TMEM237: variants seen among roughly 807,000 people sequenced by gnomAD.
The protein encoded by TMEM237 is transmembrane protein 237, also known as amyotrophic lateral sclerosis 2 (juvenile) chromosome region, candidate 4.
A neutral mutation model predicts 59.1 loss-of-function variants in TMEM237; 51 were observed. The observed-to-expected ratio is 0.86, with a 90% CI of 0.69 to 1.09. The LOEUF (loss-of-function observed/expected upper bound fraction) is 1.09. Among genes scored for constraint, TMEM237 ranks in the 50% least tolerant of loss-of-function variants. The pLI is 0.00. For missense variants in TMEM237, 475 were observed against 478.3 expected, an observed-to-expected ratio of 0.99 and a Z score of 0.06; for synonymous variants, 140 against 166.1, an observed-to-expected ratio of 0.84 and a Z score of 1.21.
intron 1 of TMEM237, among the ~76,000 whole-genome samples, chr2:201,641,154 G>A (rs1486428490): frequency 6.6e-6 from 1 of 152,060 alleles, no homozygotes; most frequent in Non-Finnish European, 1.5e-5. Context: ...ACCATGCCCG[G>A]CTAATTTTTG....
rs1232298365 is a variant in TMEM237 at position 201,635,242 on chromosome 2, T to C, written c.274+1506A>G. Among the ~76,000 whole-genome samples, 3 of 152,228 alleles carry C rather than the reference T, an allele frequency of 2.0e-5. No homozygotes were observed. Among genetic ancestry groups the C allele is most frequent in the Non-Finnish European group, 4.4e-5 (3 of 68,034 alleles). On this transcript the variant is annotated intron_variant, in intron 5 of 12. Coordinates refer to ENST00000409883, the MANE Select transcript of TMEM237 (RefSeq NM_001044385.3). This position sits in a 1 kb window ranked among gnomAD's most constrained non-coding sequence, Gnocchi z 4.5. ...GATATGTTCAAGTCCTAACTCATAA[T>C]ACCTGTGAGTGTAACCTTATTTGGA... is the stretch of plus-strand genomic sequence containing the variant.
intron 1 of TMEM237, among the ~76,000 whole-genome samples, chr2:201,642,358 T>G (rs141832747): frequency 1.2e-4 from 19 of 152,288 alleles, no homozygotes; most frequent in Admixed American, 2.6e-4. Flanking sequence ...CGAGGCAAGC[T>G]GCCGTAATAC....
rs150604882 is a variant in TMEM237, at chr2:201,631,060, T to C, written c.553+991A>G. The C allele has an allele frequency of 5.9e-5, 9 of 152,348 alleles. No homozygotes were observed. In the East Asian group the frequency reaches 1.7e-3, roughly 29 times the overall value. 9.4% of individuals were successfully genotyped at this position (152,348 alleles called of 1,614,324 possible). On this transcript the variant is annotated intron_variant, in intron 7 of 12. Transcript: ENST00000409883. ...TAGGTTTTTCTTAAACACTGTGTTA[T>C]AGACGGAATGCGTCCCCCAAAAATT...
Position 201,635,270 on chromosome 2 carries a change from CA to C in TMEM237, c.274+1477del, listed in dbSNP as rs371760889. The stretch of plus-strand genomic sequence containing the variant: ...CTGTGAGTGTAACCTTATTTGGAAA[CA>C]AGAGTCTTTGCAGATGAAATCAAGT... On this transcript the variant is annotated intron_variant, in intron 5 of 12. Transcript: ENST00000409883. The surrounding 1 kb of genome is among the most constrained non-coding windows in gnomAD (Gnocchi z 4.5). Among the ~76,000 whole-genome samples the C allele has an allele frequency of 1.9e-3, 293 of 152,204 alleles. 1 individual carries two copies. The highest frequency in any genetic ancestry group is 6.5e-3 in the African/African-American group (271 of 41,510).
At chr2:201,637,127 G>A (rs1256781340) in intron 4 of TMEM237, among the ~76,000 whole-genome samples, 1 of 152,170 alleles carries the variant, frequency 6.6e-6, no homozygotes, top group East Asian at 1.9e-4. Flanking sequence ...CTAAAAAGAA[G>A]AGCAAAAGAC....
chr2:201,643,274 G>GGCCCCCCCCCCACACCCC lies in TMEM237; in HGVS notation c.42+84_42+85insGGGGTGTGGGGGGGGGGC. On this transcript the variant is annotated intron_variant, in intron 1 of 12. Coordinates refer to ENST00000409883, the MANE Select transcript of TMEM237 (RefSeq NM_001044385.3). This position sits in a 1 kb window ranked among gnomAD's most constrained non-coding sequence, Gnocchi z 4.3. ...CCTTAGTGATTCCCAGCTCGTTGGC[G>GGCCCCCCCCCCACACCCC]CCCCCCCACACACACCCACCCCCAC... 1 of 1,206,754 alleles carries GGCCCCCCCCCCACACCCC rather than the reference G, an allele frequency of 8.3e-7. No individual in the cohort carries two copies. The highest frequency in any genetic ancestry group is 1.2e-6 in the Non-Finnish European group (1 of 849,316). 74.8% of individuals were successfully genotyped at this position (1,206,754 alleles called of 1,614,324 possible). A position where few individuals can be genotyped will look rare whatever the true frequency, so the allele number is the denominator to read the frequency against.
At chr2:201,642,905 C>G (rs548559236) in intron 1 of TMEM237, 4 of 1,337,972 alleles carry the variant, frequency 3.0e-6, no homozygotes, top group African/African-American at 1.5e-5. Flanking sequence ...ACAGCTTTCC[C>G]GTGGTTTCCT....
intron 7 of TMEM237, 68 bp downstream of exon 7, chr2:201,631,983 A>T: frequency 6.6e-7 from 1 of 1,516,180 alleles, no homozygotes; most frequent in South Asian, 1.2e-5. Flanking sequence ...TCAGATTTCC[A>T]GAAGTATAAA....
chr2:201,629,769 T>A lies in TMEM237; in HGVS notation c.637A>T (p.Thr213Ser). 6.2e-7 allele frequency: 1 copy of A among 1,613,572 alleles called. No individual in the cohort carries two copies. Among genetic ancestry groups the A allele is most frequent in the South Asian group, 1.1e-5 (1 of 90,942 alleles). The change falls in exon 8 of 13, where the codon ACC becomes TCC. Residue 213 changes from threonine (T) to serine (S), a missense_variant. Thr to Ser is a moderately conservative substitution (Grantham distance 58). Transcript: ENST00000409883. ...ACTGTAAGTGCCACATCTCTGGTGG[T>A]CCAGGAAGGCTTCACGTCCATTGAC... ...DVSMDVKPSW[T>S]TRDVALTVHR...
At chr2:201,624,442 C>G (rs1957739570) in intron 12 of TMEM237, 120 bp from the exon 13 acceptor site, 1 of 535,928 alleles carries the variant, frequency 1.9e-6, no homozygotes, top group Non-Finnish European at 3.1e-6. Context: ...TAATAGAAAG[C>G]CCTCAAGTAA....
At chr2:201,632,405 T>C (rs1287205466) in intron 6 of TMEM237, among the ~76,000 whole-genome samples, 197 bp from the exon 7 acceptor site, 1 of 152,238 alleles carries the variant, frequency 6.6e-6, no homozygotes, top group African/African-American at 2.4e-5. Context: ...GTTTTCTCAT[T>C]TGAAAATTGA....
chr2:201,640,301 G>C lies in TMEM237; in HGVS notation c.75-36C>G, dbSNP rs760213867. 3.3e-6 allele frequency: 5 copies of C among 1,537,938 alleles called. No individual in the cohort carries two copies. In the South Asian group the frequency reaches 6.4e-5, roughly 20 times the overall value. The stretch of plus-strand genomic sequence containing the variant: ...ATATAACACCAAACAAATTTAATCA[G>C]CAGGACAAAGACAAAAAAGAAACAA... On this transcript the variant is annotated intron_variant, in intron 2 of 12. Coordinates refer to ENST00000409883, the MANE Select transcript of TMEM237 (RefSeq NM_001044385.3).
rs575776362 is a variant in TMEM237 at position 201,621,608 on chromosome 2, T to C, written c.*2647A>G. ...GCGAATCCCATAAAATTACATACTG[T>C]ATGATTCAATTTATAACATTATTGA... is the stretch of plus-strand genomic sequence containing the variant. On this transcript the variant is annotated 3_prime_UTR_variant, in exon 13 of 13. Coordinates refer to ENST00000409883, the MANE Select transcript of TMEM237 (RefSeq NM_001044385.3). 1 of 152,752 alleles carries C rather than the reference T, an allele frequency of 6.5e-6. No homozygotes were observed. The highest frequency in any genetic ancestry group is 2.1e-4 in the South Asian group (1 of 4,826). The allele number at this position is 152,752 out of a possible 1,614,324, so 9.5% of individuals were successfully genotyped here. A position where few individuals can be genotyped will look rare whatever the true frequency, so the allele number is the denominator to read the frequency against.
At position 201,640,904 on chromosome 2, in the gene TMEM237, TG is replaced by T. The variant is rs1574587553; in HGVS notation, c.62del (p.Pro21HisfsTer125). On this transcript the variant is annotated frameshift_variant, in exon 2 of 13. Coordinates refer to ENST00000409883, the MANE Select transcript of TMEM237 (RefSeq NM_001044385.3). LOFTEE classifies it high-confidence loss of function. ...EGHLRPPRAL[P>X]PVPSQDDIPL... is the part of the protein sequence containing the mutation. ...TAAATTATTTTTACCTTGGCACAGGTGGAAGAGCTCGTGGAGGACGCTGTGG... is the reference window on the plus strand; with the variant it reads ...TAAATTATTTTTACCTTGGCACAGGTGAAGAGCTCGTGGAGGACGCTGTGG... The T allele has an allele frequency of 8.1e-6, 13 of 1,601,932 alleles. No homozygotes were observed. Among genetic ancestry groups the T allele is most frequent in the Non-Finnish European group, 1.1e-5 (13 of 1,171,454 alleles).
In TMEM237 at chr2:201,639,064, C is replaced by CCCT. The variant is rs774604681; in HGVS notation, c.80-20_80-19insAGG. The CCCT allele has an allele frequency of 3.8e-6, 6 of 1,564,486 alleles. No homozygotes were observed. The highest frequency in any genetic ancestry group is 5.2e-6 in the Non-Finnish European group (6 of 1,153,720). ...ATATCATCTATAAAGCAAGAAAAAA[C>CCCT]GTCAACAGAAAAGGGTGCCTAAAAT... On this transcript the variant is annotated intron_variant, in intron 3 of 12. Transcript: ENST00000409883.
chr2:201,633,874 T>A (rs545041348), intron 5 of TMEM237, among the ~76,000 whole-genome samples: 43 of 152,294 alleles, frequency 2.8e-4, no homozygotes, highest in African/African-American at 9.4e-4. Context: ...TCAAATAGGA[T>A]GTACTAACAT....
chr2:201,625,802 G>A (rs1469522679), intron 12 of TMEM237, among the ~76,000 whole-genome samples: 2 of 152,270 alleles, frequency 1.3e-5, no homozygotes, highest in East Asian at 1.9e-4. Flanking sequence ...AAGGGCCACA[G>A]AAGCCCCTCA....
intron 6 of TMEM237, 139 bp from the exon 7 acceptor site, chr2:201,632,347 TTATTAAC>T (rs1353294221): frequency 2.3e-6 from 2 of 872,276 alleles, no homozygotes; most frequent in Admixed American, 5.3e-5. Context: ...AATAAATCGG[TTATTAAC>T]TATTATGTGC....
chr2:201,642,768 A>T (rs1687455803), intron 1 of TMEM237: 1 of 1,438,972 alleles, frequency 6.9e-7, no homozygotes. Context: ...CCCTGCGGGG[A>T]TGTTGCGGTG....
Sources: gnomAD v4.1 joint callset for allele counts (sites outside exome capture counted in the v4.1 genomes callset) on GRCh38, gnomAD v4.1.1 for gene constraint, Gnocchi (gnomAD v3.1) non-coding constraint, MANE v1.5 for transcripts, NCBI Gene and HGNC (gene_info 2026-07-23, HGNC 2026-07-21) for gene names.